Variants in SMARCC1 observed in about 807,000 individuals in gnomAD.
The protein encoded by SMARCC1 is SWI/SNF related BAF chromatin remodeling complex subunit C1.
Under a neutral mutation model 147.4 loss-of-function variants are expected in SMARCC1, and 43 were observed. The observed-to-expected ratio is 0.29, with a 90% CI of 0.23 to 0.38. SMARCC1 has a LOEUF of 0.38. Ranked by LOEUF, SMARCC1 falls within the 10% of genes least tolerant of loss-of-function variation. The probability of loss-of-function intolerance (pLI) is 1.00; values close to 1 mark genes in which losing one functional copy is unlikely to be tolerated. For synonymous variants in SMARCC1, 495 were observed against 484.4 expected (o/e 1.02, Z -0.29); for missense variants, 1,119 against 1,381.1 (o/e 0.81, Z 3.01).
chr3:47,654,375 C>G (rs2033230604), intron 21 of SMARCC1, among the ~76,000 whole-genome samples: 1 of 152,128 alleles, frequency 6.6e-6, no homozygotes, highest in Admixed American at 6.5e-5. Flanking sequence ...TAATTTCAGT[C>G]TCCATATAAG....
chr3:47,749,875 G>C (rs2106846504), intron 2 of SMARCC1, among the ~76,000 whole-genome samples: 1 of 151,924 alleles, frequency 6.6e-6, no homozygotes, highest in East Asian at 1.9e-4. Context: ...GAGGTCAGGA[G>C]ATCGAGACCA....
chr3:47,778,021 C>T (rs7637992), intron 1 of SMARCC1, among the ~76,000 whole-genome samples: 1 of 150,990 alleles, frequency 6.6e-6, no homozygotes, highest in Non-Finnish European at 1.5e-5. Context: ...GCCTGGCCAA[C>T]ATGGTGAAAC....
chr3:47,762,883 G>C (rs901856226), intron 2 of SMARCC1, among the ~76,000 whole-genome samples: 2 of 152,002 alleles, frequency 1.3e-5, no homozygotes, highest in Non-Finnish European at 2.9e-5. Context: ...TGGCTAACAC[G>C]GTGAAACCCT....
intron 21 of SMARCC1, among the ~76,000 whole-genome samples, chr3:47,648,694 C>T (rs1462000144): frequency 1.3e-5 from 2 of 152,038 alleles, no homozygotes; most frequent in Non-Finnish European, 2.9e-5. Flanking sequence ...ACACCTGGCT[C>T]CTGTGTAATA....
At chr3:47,735,732 C>T (rs373731332) in intron 5 of SMARCC1, among the ~76,000 whole-genome samples, 1 of 151,894 alleles carries the variant, frequency 6.6e-6, no homozygotes, top group Admixed American at 6.6e-5. Context: ...CTAGCCTGGG[C>T]GACAGCGCGA....
At chr3:47,711,302 A>C (rs1331101073) in intron 8 of SMARCC1, among the ~76,000 whole-genome samples, 2 of 152,202 alleles carry the variant, frequency 1.3e-5, no homozygotes, top group Non-Finnish European at 2.9e-5. Flanking sequence ...CTAGTCCTTT[A>C]TATGGCCACC....
chr3:47,628,993 G>A (rs1256483853), intron 24 of SMARCC1, among the ~76,000 whole-genome samples: 1 of 152,198 alleles, frequency 6.6e-6, no homozygotes, highest in Non-Finnish European at 1.5e-5. Flanking sequence ...AATGGAAAAG[G>A]AAAAAGACTC....
intron 14 of SMARCC1, 29 bp from the exon 15 acceptor site, chr3:47,680,537 G>A (rs2106761517): frequency 2.0e-6 from 2 of 1,025,298 alleles, no homozygotes; most frequent in South Asian, 1.4e-5. Flanking sequence ...AAAGATTTAG[G>A]AGTGTTCTTT....
At chr3:47,621,090 A>G (rs1458738728) in intron 25 of SMARCC1, among the ~76,000 whole-genome samples, 1 of 152,142 alleles carries the variant, frequency 6.6e-6, no homozygotes. Context: ...TCATGAGGTC[A>G]AGAGATAGGG....
chr3:47,729,232 T>C, intron 5 of SMARCC1, 138 bp from the exon 6 acceptor site: 3 of 598,670 alleles, frequency 5.0e-6, no homozygotes, highest in South Asian at 2.6e-5. Context: ...TGCTTCTTTT[T>C]AGTCAAATAA....
chr3:47,758,756 C>T (rs188192386), intron 2 of SMARCC1, among the ~76,000 whole-genome samples: 1 of 151,966 alleles, frequency 6.6e-6, no homozygotes, highest in East Asian at 1.9e-4. Flanking sequence ...GGGTGTTGGC[C>T]GGGCGCGGTG....
At chr3:47,642,581 C>T (rs993184894) in intron 21 of SMARCC1, among the ~76,000 whole-genome samples, 1 of 140,804 alleles carries the variant, frequency 7.1e-6, no homozygotes, top group Non-Finnish European at 1.6e-5. Flanking sequence ...AAGGGCGAGA[C>T]TTTGTCCCAA....
Position 47,636,152 on chromosome 3 carries a change from A to C in SMARCC1, c.2377-16T>G, listed in dbSNP as rs1269676906. 1 of 1,425,454 alleles carries C rather than the reference A, an allele frequency of 7.0e-7. No homozygotes were observed. The highest frequency in any genetic ancestry group is 1.7e-5 in the Admixed American group (1 of 58,156). 88.3% of individuals were successfully genotyped at this position (1,425,454 alleles called of 1,614,324 possible). On this transcript the variant is annotated splice_polypyrimidine_tract_variant and intron_variant, in intron 22 of 27. Coordinates refer to ENST00000254480, the MANE Select transcript of SMARCC1 (RefSeq NM_003074.4). Reference sequence around the variant, plus strand: ...TATTTTCTGCCTGAAAGGGATATAAAACAAGAGGACAGGCAGTGAACAAAA... The same window carrying C: ...TATTTTCTGCCTGAAAGGGATATAACACAAGAGGACAGGCAGTGAACAAAA...
chr3:47,610,936 T>C (rs2032555675), intron 25 of SMARCC1: 1 of 152,916 alleles, frequency 6.5e-6, no homozygotes, highest in Admixed American at 6.5e-5. Flanking sequence ...CCCAAAATTA[T>C]ACTTGGTGAC....
At chr3:47,675,639 G>A (rs2033559592) in intron 17 of SMARCC1, 51 bp from the exon 18 acceptor site, 3 of 1,019,480 alleles carry the variant, frequency 2.9e-6, no homozygotes, top group Middle Eastern at 2.3e-4. Flanking sequence ...AAAGTCAAGA[G>A]GGTAAATGTT....
intron 7 of SMARCC1, among the ~76,000 whole-genome samples, chr3:47,717,295 C>G (rs983488221): frequency 6.6e-6 from 1 of 152,132 alleles, no homozygotes; most frequent in Non-Finnish European, 1.5e-5. Context: ...ACAGAGAACA[C>G]AGTAATCCGT....
intron 3 of SMARCC1, among the ~76,000 whole-genome samples, chr3:47,743,449 G>A (rs1172390940): frequency 6.7e-6 from 1 of 149,380 alleles, no homozygotes; most frequent in Non-Finnish European, 1.5e-5. Flanking sequence ...CTTTTTTTTT[G>A]AGACAAGCCA....
intron 26 of SMARCC1, among the ~76,000 whole-genome samples, chr3:47,599,736 A>G (rs1282745333): frequency 6.6e-6 from 1 of 152,202 alleles, no homozygotes; most frequent in Non-Finnish European, 1.5e-5. Flanking sequence ...TGATTGATCC[A>G]TTATTTGCCC....
At chr3:47,665,993 C>T (rs990068858) in intron 19 of SMARCC1, among the ~76,000 whole-genome samples, 4 of 152,090 alleles carry the variant, frequency 2.6e-5, no homozygotes, top group East Asian at 1.9e-4. Context: ...TCCTTCTCCA[C>T]GCTGCTAGGG....
Sources: gnomAD v4.1 joint callset for allele counts (sites outside exome capture counted in the v4.1 genomes callset) on GRCh38, gnomAD v4.1.1 for gene constraint, MANE v1.5 for transcripts, NCBI Gene and HGNC (gene_info 2026-07-23, HGNC 2026-07-21) for gene names.